The following ADAM29 variants were observed in gnomAD, a reference collection of about 807,000 sequenced individuals.
ADAM29 encodes the protein disintegrin and metalloproteinase domain-containing protein 29.
For synonymous variants in ADAM29, 367 were observed against 342.3 expected, an observed-to-expected ratio of 1.07 and a Z score of -0.80; for missense variants, 969 against 1,001.8, an observed-to-expected ratio of 0.97 and a Z score of 0.44.
chr4:174,961,133 A>C (rs1380311713), intron 4 of ADAM29, among the ~76,000 whole-genome samples: 2 of 152,100 alleles, frequency 1.3e-5, no homozygotes, highest in African/African-American at 4.8e-5. Context: ...AATAAAAAAT[A>C]ATTATATCTT....
At chr4:174,972,083 CT>C (rs1746508593) in intron 4 of ADAM29, among the ~76,000 whole-genome samples, 1 of 152,084 alleles carries the variant, frequency 6.6e-6, no homozygotes, top group Admixed American at 6.6e-5. Flanking sequence ...GAAATTCTAA[CT>C]TTTTTCCTGC....
rs773516703 is a variant in ADAM29, at chr4:174,975,910, A to G, written c.385A>G (p.Ile129Val). 2.5e-6 allele frequency: 4 copies of G among 1,613,642 alleles called. No individual in the cohort carries two copies. Among genetic ancestry groups the G allele is most frequent in the African/African-American group, 2.7e-5 (2 of 74,910 alleles). ...TGGGGGTTTTCAAGGAATATTACAGATAAATGACTTTGCTTATGAAATCAA... is the reference window on the plus strand; with the variant it reads ...TGGGGGTTTTCAAGGAATATTACAGGTAAATGACTTTGCTTATGAAATCAA... ...CFGGFQGILQ[I>V]NDFAYEIKPL... Residue 129 changes from isoleucine (I) to valine (V), a missense_variant, in exon 5 of 5, where the codon ATA becomes GTA. Physicochemically the swap from Ile to Val is conservative, Grantham distance 29. Coordinates refer to ENST00000359240, the MANE Select transcript of ADAM29 (RefSeq NM_014269.4).
At chr4:174,941,867 T>G (rs1395504831) in intron 4 of ADAM29, among the ~76,000 whole-genome samples, 1 of 152,198 alleles carries the variant, frequency 6.6e-6, no homozygotes, top group East Asian at 1.9e-4. Context: ...AAAAAGTCCC[T>G]TTTGCATATG....
chr4:174,976,848 T>C lies in ADAM29; in HGVS notation c.1323T>C (p.Leu441=). The C allele has an allele frequency of 6.2e-7, 1 of 1,614,168 alleles. No homozygotes were observed. The highest frequency in any genetic ancestry group is 8.5e-7 in the Non-Finnish European group (1 of 1,180,050). The change falls in exon 5 of 5, where the codon CTT becomes CTC. Residue 441 remains leucine (L), a synonymous_variant. Transcript: ENST00000359240. ...ATGGTTCTACTTGTGCTTTTGGGCT[T>C]TGTTGCAAAGACTGCAAGTTCCTAC... ...LTDGSTCAFG[L]CCKDCKFLPS... is the part of the protein sequence containing the mutation.
intron 2 of ADAM29, among the ~76,000 whole-genome samples, chr4:174,921,873 C>G (rs1281702230): frequency 6.6e-6 from 1 of 152,032 alleles, no homozygotes; most frequent in African/African-American, 2.4e-5. Context: ...GGTAAATTTT[C>G]AAATGACTTT....
rs774743522 is a variant in ADAM29, at chr4:174,977,140, G to A, written c.1615G>A (p.Ala539Thr). Residue 539 changes from alanine (A) to threonine (T), a missense_variant, in exon 5 of 5, where the codon GCT becomes ACT. By Grantham distance (58) the Ala-to-Thr change is moderately conservative. Transcript: ENST00000359240. ...DRVGHCGIKNATYIKCNISDV... is the reference protein window; with the variant it reads ...DRVGHCGIKNTTYIKCNISDV... ...TGTTGGTCACTGTGGTATCAAAAAT[G>A]CTACATATATAAAGTGTAATATCTC... 6.2e-7 allele frequency: 1 copy of A among 1,614,080 alleles called. No individual in the cohort carries two copies. Among genetic ancestry groups the A allele is most frequent in the South Asian group, 1.1e-5 (1 of 91,074 alleles).
intron 4 of ADAM29, among the ~76,000 whole-genome samples, chr4:174,940,195 G>A (rs1744446950): frequency 6.6e-6 from 1 of 152,096 alleles, no homozygotes; most frequent in African/African-American, 2.4e-5. Context: ...CACACCTCAT[G>A]GTGGCAAAAC....
In ADAM29 at chr4:174,937,378, A is replaced by C. The variant is rs1744261833; in HGVS notation, c.-181+365A>C. On this transcript the variant is annotated intron_variant, in intron 4 of 4. Coordinates refer to ENST00000359240, the MANE Select transcript of ADAM29 (RefSeq NM_014269.4). ...CCATTCTATTTTTAAAAATCATATTACTTTGATATATTTCTAAAGATTCTT... is the reference window on the plus strand; with the variant it reads ...CCATTCTATTTTTAAAAATCATATTCCTTTGATATATTTCTAAAGATTCTT... Among the ~76,000 whole-genome samples, 3 of 152,034 alleles carry C rather than the reference A, an allele frequency of 2.0e-5. No homozygotes were observed. The South Asian group carries it at 6.2e-4, about 31-fold the overall frequency.
chr4:174,971,400 A>G (rs1209056927), intron 4 of ADAM29, among the ~76,000 whole-genome samples: 1 of 151,792 alleles, frequency 6.6e-6, no homozygotes, highest in Non-Finnish European at 1.5e-5. Context: ...CAGGTAATAT[A>G]CTATTGGTGA....
intron 4 of ADAM29, among the ~76,000 whole-genome samples, chr4:174,943,195 A>T (rs1419440653): frequency 6.6e-6 from 1 of 152,176 alleles, no homozygotes; most frequent in African/African-American, 2.4e-5. Flanking sequence ...TTCAGCAAGT[A>T]TTTTGGAAGT....
At chr4:174,949,314 T>G (rs182635365) in intron 4 of ADAM29, among the ~76,000 whole-genome samples, 1 of 152,318 alleles carries the variant, frequency 6.6e-6, no homozygotes, top group Non-Finnish European at 1.5e-5. Flanking sequence ...TGAGCATCAC[T>G]GGCCATGCTC....
At chr4:174,971,168 A>G (rs1007911268) in intron 4 of ADAM29, among the ~76,000 whole-genome samples, 4 of 152,214 alleles carry the variant, frequency 2.6e-5, no homozygotes, top group Admixed American at 1.3e-4. Context: ...GTATATGTAT[A>G]TGAAAACATC....
intron 3 of ADAM29, among the ~76,000 whole-genome samples, chr4:174,936,319 T>C (rs936311096): frequency 6.6e-6 from 1 of 152,030 alleles, no homozygotes; most frequent in Non-Finnish European, 1.5e-5. Context: ...AAGTGCCTAA[T>C]TAAGATTTTG....
chr4:174,924,572 T>C (rs2110902119), intron 2 of ADAM29, among the ~76,000 whole-genome samples: 1 of 152,350 alleles, frequency 6.6e-6, no homozygotes, highest in East Asian at 1.9e-4. Flanking sequence ...TAGCCTTCAG[T>C]ATGCTAATGA....
intron 4 of ADAM29, among the ~76,000 whole-genome samples, chr4:174,962,784 GAAAA>G (rs144902734): frequency 6.6e-6 from 1 of 150,724 alleles, no homozygotes; most frequent in Non-Finnish European, 1.5e-5. Context: ...AAATTTGAAA[GAAAA>G]AAAAACTTTG....
At chr4:174,954,558 G>A (rs1745383898) in intron 4 of ADAM29, among the ~76,000 whole-genome samples, 1 of 151,870 alleles carries the variant, frequency 6.6e-6, no homozygotes, top group Non-Finnish European at 1.5e-5. Flanking sequence ...AATTCCTTTT[G>A]CCTTCATATT....
intron 3 of ADAM29, among the ~76,000 whole-genome samples, chr4:174,934,877 T>C (rs1321345659): frequency 6.6e-6 from 1 of 152,166 alleles, no homozygotes; most frequent in African/African-American, 2.4e-5. Context: ...AAAGATAGGT[T>C]AAAAGAGATA....
chr4:174,977,399 G>A lies in ADAM29; in HGVS notation c.1874G>A (p.Cys625Tyr). 1 of 1,613,896 alleles carries A rather than the reference G, an allele frequency of 6.2e-7. No homozygotes were observed. The highest frequency in any genetic ancestry group is 8.5e-7 in the Non-Finnish European group (1 of 1,180,008). The change falls in exon 5 of 5, where the codon TGC becomes TAC. Residue 625 changes from cysteine (C) to tyrosine (Y), a missense_variant. Physicochemically the swap from Cys to Tyr is radical, Grantham distance 194. Transcript: ENST00000359240. ...CATATAACCATCTTGAATAGTAATTGCTCACCTGCATTTTGTAACAAGAGG... is the reference window on the plus strand; with the variant it reads ...CATATAACCATCTTGAATAGTAATTACTCACCTGCATTTTGTAACAAGAGG... ...CVHITILNSN[C>Y]SPAFCNKRGI...
At chr4:174,960,953 T>G (rs1022160029) in intron 4 of ADAM29, among the ~76,000 whole-genome samples, 2 of 152,136 alleles carry the variant, frequency 1.3e-5, no homozygotes, top group Non-Finnish European at 2.9e-5. Context: ...TCTCCTTTGC[T>G]TCAACCTTAC....
Sources: gnomAD v4.1 joint callset for allele counts (sites outside exome capture counted in the v4.1 genomes callset) on GRCh38, gnomAD v4.1.1 for gene constraint, MANE v1.5 for transcripts, NCBI Gene and HGNC (gene_info 2026-07-23, HGNC 2026-07-21) for gene names.